Variants in ZNF639 observed in about 807,000 individuals in gnomAD.
ZNF639 encodes the protein zinc finger amplified in esophageal squamous cell carcinomas 1.
In ZNF639, 20 loss-of-function variants were observed where a neutral mutation model predicts 39.8. The observed-to-expected ratio is 0.50, with a 90% confidence interval of 0.35 to 0.73. ZNF639 has a LOEUF of 0.73. ZNF639 is among the 30% of genes least tolerant of loss of function. The pLI is 0.00. For missense variants in ZNF639, 477 were observed against 566.2 expected (o/e 0.84, Z 1.60); for synonymous variants, 176 against 189.8 (o/e 0.93, Z 0.60).
chr3:179,331,144 AC>A (rs1336193839), intron 4 of ZNF639, among the ~76,000 whole-genome samples: 1 of 152,230 alleles, frequency 6.6e-6, no homozygotes, highest in Non-Finnish European at 1.5e-5. Flanking sequence ...AAACACACGC[AC>A]TTGACAGGGG....
Position 179,335,607 on chromosome 3 carries a change from C to T in ZNF639, c.*1185C>T, listed in dbSNP as rs1231692640. 6.6e-6 allele frequency: 1 copy of T among 152,190 alleles called. No individual in the cohort carries two copies. The highest frequency in any genetic ancestry group is 2.4e-5 in the African/African-American group (1 of 41,458). The allele number at this position is 152,190 out of a possible 1,614,324, so 9.4% of individuals were successfully genotyped here. On this transcript the variant is annotated 3_prime_UTR_variant, in exon 6 of 6. Coordinates refer to ENST00000496856, the MANE Select transcript of ZNF639 (RefSeq NM_001303426.2). ...TGCCTACCTAGCAGAAATTTATGGTCTCACAGTTGTGAAGGCCAGACATTC... is the reference window on the plus strand; with the variant it reads ...TGCCTACCTAGCAGAAATTTATGGTTTCACAGTTGTGAAGGCCAGACATTC...
In ZNF639 at chr3:179,333,422, T is replaced by G; in HGVS notation, c.458T>G (p.Ile153Arg). The G allele has an allele frequency of 6.2e-7, 1 of 1,614,120 alleles. No individual in the cohort carries two copies. The highest frequency in any genetic ancestry group is 8.5e-7 in the Non-Finnish European group (1 of 1,180,028). ...EVHAISEDYD[I>R]ETENNSSESL... ...CATGCGATTTCTGAGGATTATGATA[T>G]AGAGACAGAAAACAATTCCTCTGAG... The change falls in exon 6 of 6, where the codon ATA becomes AGA. Residue 153 changes from isoleucine (I) to arginine (R), a missense_variant. Transcript: ENST00000496856.
rs1183072917 is a variant in ZNF639 at position 179,337,811 on chromosome 3, A to G, written c.*3389A>G. ...GAGATGGAGCCTTGCTCTGTCGCCC[A>G]GACTGGAATGCAGTGGCGTGATCTT... On this transcript the variant is annotated 3_prime_UTR_variant, in exon 6 of 6. Transcript: ENST00000496856. 6.6e-6 allele frequency: 1 copy of G among 152,154 alleles called. No homozygotes were observed. Among genetic ancestry groups the G allele is most frequent in the African/African-American group, 2.4e-5 (1 of 41,400 alleles). The allele number at this position is 152,154 out of a possible 1,614,324, so 9.4% of individuals were successfully genotyped here.
At position 179,334,559 on chromosome 3, in the gene ZNF639, T is replaced by C. The variant is rs1201242163; in HGVS notation, c.*137T>C. ...GTAACTTTTTTAAATTATAAAATTT[T>C]ATTGGCATTGCTCCATTTTCTGTAT... On this transcript the variant is annotated 3_prime_UTR_variant, in exon 6 of 6. Coordinates refer to ENST00000496856, the MANE Select transcript of ZNF639 (RefSeq NM_001303426.2). The C allele has an allele frequency of 1.8e-6, 1 of 554,206 alleles. No individual in the cohort carries two copies. The highest frequency in any genetic ancestry group is 2.9e-6 in the Non-Finnish European group (1 of 345,294). 34.3% of individuals were successfully genotyped at this position (554,206 alleles called of 1,614,324 possible).
At chr3:179,325,233 C>G (rs1037716511) in intron 1 of ZNF639, 2 of 152,424 alleles carry the variant, frequency 1.3e-5, no homozygotes, top group Non-Finnish European at 2.9e-5. Flanking sequence ...GTTGGTCAGG[C>G]TAGTCTTGAA....
At chr3:179,323,410 A>G (rs984221524) in intron 1 of ZNF639, 119 bp downstream of exon 1, 26 of 982,640 alleles carry the variant, frequency 2.6e-5, no homozygotes, top group Non-Finnish European at 2.9e-5. Flanking sequence ...TTATACGGAA[A>G]CTCTGCCTTC....
Position 179,334,147 on chromosome 3 carries a change from A to G in ZNF639, c.1183A>G (p.Ile395Val), listed in dbSNP as rs765555341. 15 of 1,614,144 alleles carry G rather than the reference A, an allele frequency of 9.3e-6. No individual in the cohort carries two copies. The highest frequency in any genetic ancestry group is 8.3e-5 in the Admixed American group (5 of 60,024). ...CACAAATGTTAACAGGCATGTTGCT[A>G]TTGAACATACAAAAATTTTTCCTCA... ...LHTNVNRHVA[I>V]EHTKIFPHVC... Residue 395 changes from isoleucine (I) to valine (V), a missense_variant, in exon 6 of 6, where the codon ATT becomes GTT. Physicochemically the swap from Ile to Val is conservative, Grantham distance 29 (BLOSUM62 3). Transcript: ENST00000496856.
In ZNF639 at chr3:179,334,353, T is replaced by G. The variant is rs565108262; in HGVS notation, c.1389T>G (p.Ser463Arg). 9 of 1,607,066 alleles carry G rather than the reference T, an allele frequency of 5.6e-6. No homozygotes were observed. Among genetic ancestry groups the G allele is most frequent in the African/African-American group, 1.3e-5 (1 of 74,658 alleles). ...KHSADLPHKC[S>R]DCLMRFGNER... is the part of the protein sequence containing the mutation. The stretch of plus-strand genomic sequence containing the variant: ...CAGCTGACTTGCCTCATAAATGTAG[T>G]GACTGCTTGATGAGGTTTGGAAATG... The change falls in exon 6 of 6, where the codon AGT becomes AGG. Residue 463 changes from serine (S) to arginine (R), a missense_variant. By Grantham distance (110) the Ser-to-Arg change is moderately radical (BLOSUM62 -1). Transcript: ENST00000496856.
intron 2 of ZNF639, 148 bp downstream of exon 2, chr3:179,327,779 A>T (rs1421759161): frequency 6.6e-6 from 1 of 152,288 alleles, no homozygotes; most frequent in Admixed American, 6.5e-5. Flanking sequence ...AAAATTATTT[A>T]TATTCTGATC....
intron 4 of ZNF639, among the ~76,000 whole-genome samples, chr3:179,331,719 G>A (rs2108503371): frequency 6.8e-6 from 1 of 146,636 alleles, no homozygotes; most frequent in East Asian, 2.1e-4. Context: ...AGGTTGTGGT[G>A]AGCCGAGATC....
chr3:179,334,025 G>C lies in ZNF639; in HGVS notation c.1061G>C (p.Gly354Ala). The change falls in exon 6 of 6, where the codon GGT becomes GCT. Residue 354 changes from glycine (G) to alanine (A), a missense_variant. Transcript: ENST00000496856. ...GAGTTAAGTGATAAGTATAACAATG[G>C]TGAACATGGACAGTATAGCCTCTTA... ...LIELSDKYNN[G>A]EHGQYSLLSK... 1.2e-6 allele frequency: 2 copies of C among 1,614,196 alleles called. No individual in the cohort carries two copies. Among genetic ancestry groups the C allele is most frequent in the Non-Finnish European group, 1.7e-6 (2 of 1,180,036 alleles).
chr3:179,329,909 CTTTTTTTT>C (rs71181282), intron 4 of ZNF639, 181 bp downstream of exon 4: 77,421 of 208,548 alleles, frequency 0.37, 11,214 homozygotes, highest in East Asian at 0.49. Context: ...TTTAACTATT[CTTTTTTTT>C]TTTTTTTTTT....
At position 179,333,128 on chromosome 3, in the gene ZNF639, G is replaced by A. The variant is rs370914297; in HGVS notation, c.304+5G>A. 6 of 1,589,702 alleles carry A rather than the reference G, an allele frequency of 3.8e-6. No individual in the cohort carries two copies. Among genetic ancestry groups the A allele is most frequent in the African/African-American group, 1.4e-5 (1 of 73,344 alleles). ...ACCACACTGCCTTTTCTACAGGTTG[G>A]GGGAACTAATTTATAGCATTGATAT... On this transcript the variant is annotated splice_donor_5th_base_variant and intron_variant, in intron 5 of 5. Transcript: ENST00000496856.
chr3:179,322,933 C>G, upstream of ZNF639: 1 of 985,100 alleles, frequency 1.0e-6, no homozygotes, highest in Non-Finnish European at 1.2e-6. Flanking sequence ...GGCTGCGGGC[C>G]GGTGGTCCCT....
At chr3:179,333,194 A>G in intron 5 of ZNF639, 71 bp downstream of exon 5, 3 of 1,554,412 alleles carry the variant, frequency 1.9e-6, no homozygotes, top group Admixed American at 4.2e-5. Flanking sequence ...CATGCAATAA[A>G]TTTTTTTTTG....
rs1301771535 is a variant in ZNF639, at chr3:179,338,370, A to G, written c.*3948A>G. 2.0e-5 allele frequency: 3 copies of G among 152,196 alleles called. No individual in the cohort carries two copies. The highest frequency in any genetic ancestry group is 4.4e-5 in the Non-Finnish European group (3 of 68,028). The allele number at this position is 152,196 out of a possible 1,614,324, so 9.4% of individuals were successfully genotyped here. On this transcript the variant is annotated 3_prime_UTR_variant, in exon 6 of 6. Transcript: ENST00000496856. ...CAAAACATTTCCCTGTATTCCAGAA[A>G]TTGAAAATGGTTGTTCACTAAAAAG...
Position 179,333,459 on chromosome 3 carries a change from C to A in ZNF639, c.495C>A (p.Asp165Glu). 1 of 1,614,046 alleles carries A rather than the reference C, an allele frequency of 6.2e-7. No homozygotes were observed. Among genetic ancestry groups the A allele is most frequent in the Admixed American group, 1.7e-5 (1 of 59,984 alleles). ...TENNSSESLQ[D>E]QTDEEPPAKL... ...ACAATTCCTCTGAGAGTCTCCAAGACCAAACTGATGAAGAACCGCCAGCTA... is the reference window on the plus strand; with the variant it reads ...ACAATTCCTCTGAGAGTCTCCAAGAACAAACTGATGAAGAACCGCCAGCTA... Residue 165 changes from aspartate to glutamate, a missense_variant, in exon 6 of 6, where the codon GAC becomes GAA. Transcript: ENST00000496856.
chr3:179,334,294 G>A lies in ZNF639; in HGVS notation c.1330G>A (p.Glu444Lys). The change falls in exon 6 of 6, where the codon GAA (glutamate) becomes AAA (lysine). Residue 444 changes from glutamate to lysine, a missense_variant. Transcript: ENST00000496856. ...QYCEYSTGQI[E>K]DLKIHLDFKH... The stretch of plus-strand genomic sequence containing the variant: ...TTGTGAATATTCAACAGGACAAATT[G>A]AAGATCTTAAAATTCATCTAGATTT... 1 of 1,612,980 alleles carries A rather than the reference G, an allele frequency of 6.2e-7. No individual in the cohort carries two copies.
rs182333632 is a variant in ZNF639, at chr3:179,333,396, G to A, written c.432G>A (p.Val144=). 3.1e-5 allele frequency: 50 copies of A among 1,614,104 alleles called. No individual in the cohort carries two copies. In the Admixed American group the frequency reaches 5.8e-4, roughly 19 times the overall value. The change falls in exon 6 of 6, where the codon GTG becomes GTA. Residue 144 remains valine, a synonymous_variant. Coordinates refer to ENST00000496856, the MANE Select transcript of ZNF639 (RefSeq NM_001303426.2). The part of the protein sequence containing the change: ...TAEDVPIAVE[V]HAISEDYDIE... ...AAGATGTTCCAATTGCTGTAGAAGT[G>A]CATGCGATTTCTGAGGATTATGATA...
Sources: allele counts gnomAD v4.1 joint callset (sites outside exome capture counted in the v4.1 genomes callset), GRCh38; gene constraint gnomAD v4.1.1; transcripts MANE v1.5; gene names NCBI Gene and HGNC (gene_info 2026-07-23, HGNC 2026-07-21).